Variants in SNAP91 observed in about 807,000 individuals in gnomAD.
The protein encoded by SNAP91 is clathrin coat assembly protein AP180.
Under a neutral mutation model 100.3 loss-of-function variants are expected in SNAP91, and 27 were observed. The ratio of observed to expected loss-of-function variants is 0.27; its 90% confidence interval spans 0.20 to 0.37. The LOEUF (loss-of-function observed/expected upper bound fraction) is 0.37, where lower values mean the gene tolerates loss of function less well. SNAP91 is among the 10% of genes least tolerant of loss of function. The pLI is 1.00. For missense variants in SNAP91, 986 were observed against 1,123.7 expected (o/e 0.88, Z 1.75); for synonymous variants, 404 against 398.6 (o/e 1.01, Z -0.16).
In SNAP91 at chr6:83,590,112, T is replaced by C. The variant is rs1252671032; in HGVS notation, c.2014+1099A>G. Reference sequence around the variant, plus strand: ...TAGGACCAAAATTCAACCCTTGTGGTGACTGTGGAGGGGCCTCAGAAGCTG... The same window carrying C: ...TAGGACCAAAATTCAACCCTTGTGGCGACTGTGGAGGGGCCTCAGAAGCTG... On this transcript the variant is annotated intron_variant, in intron 22 of 29. Transcript: ENST00000369694. 3.3e-5 allele frequency among the ~76,000 whole-genome samples: 5 copies of C among 152,170 alleles called. No individual in the cohort carries two copies. In the East Asian group the frequency reaches 9.7e-4, roughly 30 times the overall value.
intron 22 of SNAP91, among the ~76,000 whole-genome samples, chr6:83,587,046 G>A (rs1378077770): frequency 6.6e-6 from 1 of 152,086 alleles, no homozygotes; most frequent in Non-Finnish European, 1.5e-5. Flanking sequence ...AAGAAGAATA[G>A]TTTTTATGAT....
At chr6:83,681,993 G>C (rs1587306329) in intron 2 of SNAP91, among the ~76,000 whole-genome samples, 2 of 152,000 alleles carry the variant, frequency 1.3e-5, no homozygotes, top group African/African-American at 4.8e-5. Context: ...AAGCTTCCTT[G>C]AATTCTACTG....
At chr6:83,687,288 T>C (rs1434296103) in intron 2 of SNAP91, among the ~76,000 whole-genome samples, 5 of 152,118 alleles carry the variant, frequency 3.3e-5, no homozygotes, top group Admixed American at 3.3e-4. Flanking sequence ...AATATTGTTT[T>C]AAGAAAAAAT....
intron 2 of SNAP91, among the ~76,000 whole-genome samples, chr6:83,697,798 A>T (rs2099238945): frequency 6.6e-6 from 1 of 152,188 alleles, no homozygotes; most frequent in African/African-American, 2.4e-5. Context: ...TTATGAGAAA[A>T]CAAAGGTATA....
intron 16 of SNAP91, among the ~76,000 whole-genome samples, chr6:83,598,249 C>T (rs548484445): frequency 6.6e-6 from 1 of 152,238 alleles, no homozygotes; most frequent in South Asian, 2.1e-4. Flanking sequence ...ACTGCCCTTG[C>T]AATCCTGTTC....
At chr6:83,600,508 G>C (rs2095060359) in intron 16 of SNAP91, among the ~76,000 whole-genome samples, 1 of 152,076 alleles carries the variant, frequency 6.6e-6, no homozygotes, top group Admixed American at 6.5e-5. Context: ...AACTTCTTTA[G>C]GTGTGGACAT....
At chr6:83,575,161 T>G (rs2022269) in intron 25 of SNAP91, 40 bp from the exon 26 acceptor site, 1 of 1,420,406 alleles carries the variant, frequency 7.0e-7, no homozygotes, top group East Asian at 2.4e-5. Context: ...AAACAAAAAA[T>G]CACAAATCAG....
At chr6:83,664,174 G>T (rs2098628404) in intron 3 of SNAP91, among the ~76,000 whole-genome samples, 3 of 152,118 alleles carry the variant, frequency 2.0e-5, no homozygotes, top group Admixed American at 6.6e-5. Flanking sequence ...TGATGGAGAT[G>T]CACAAAGAGA....
At chr6:83,622,446 T>G (rs2096767450) in intron 9 of SNAP91, among the ~76,000 whole-genome samples, 1 of 48,280 alleles carries the variant, frequency 2.1e-5, no homozygotes, top group African/African-American at 1.1e-4. Context: ...TCTTTCATTA[T>G]GACAATTTTT....
chr6:83,576,001 C>G, intron 25 of SNAP91, 22 bp downstream of exon 25: 4 of 1,342,426 alleles, frequency 3.0e-6, no homozygotes, highest in Non-Finnish European at 4.1e-6. Context: ...AAAAGGAAAT[C>G]ACATAATTTC....
At chr6:83,568,551 A>T (rs1023120163) in intron 26 of SNAP91, among the ~76,000 whole-genome samples, 1 of 152,116 alleles carries the variant, frequency 6.6e-6, no homozygotes, top group African/African-American at 2.4e-5. Flanking sequence ...GGAATAAGTA[A>T]CCCAGGAAGC....
At chr6:83,636,231 T>G (rs2097440276) in intron 8 of SNAP91, among the ~76,000 whole-genome samples, 1 of 152,200 alleles carries the variant, frequency 6.6e-6, no homozygotes, top group South Asian at 2.1e-4. Flanking sequence ...ACTGGGTAAA[T>G]TTTTGTGGAT....
chr6:83,564,816 G>A (rs1015999044), intron 26 of SNAP91, among the ~76,000 whole-genome samples: 1 of 151,410 alleles, frequency 6.6e-6, no homozygotes, highest in African/African-American at 2.4e-5. Context: ...GAAAGAAACA[G>A]GTAAAAAATT....
At chr6:83,666,399 A>C (rs578012903) in intron 2 of SNAP91, among the ~76,000 whole-genome samples, 1 of 152,240 alleles carries the variant, frequency 6.6e-6, no homozygotes, top group Non-Finnish European at 1.5e-5. Context: ...TTCCAACAGT[A>C]CAGGATGACC....
At chr6:83,595,716 AAAT>A (rs1360766273) in intron 16 of SNAP91, among the ~76,000 whole-genome samples, 2 of 152,166 alleles carry the variant, frequency 1.3e-5, no homozygotes, top group Admixed American at 6.5e-5. Flanking sequence ...TCAGTCATGA[AAAT>A]AACATGTCAT....
At position 83,617,934 on chromosome 6, in the gene SNAP91, T is replaced by C. The variant is rs531039181; in HGVS notation, c.808-895A>G. The stretch of plus-strand genomic sequence containing the variant: ...TAAATGAAATATATAACTACCCTTA[T>C]AGGTATATTTAATTCTGACAATTCT... On this transcript the variant is annotated intron_variant, in intron 9 of 29. Transcript: ENST00000369694. 6.4e-4 allele frequency among the ~76,000 whole-genome samples: 97 copies of C among 152,008 alleles called. 1 individual carries two copies. The highest frequency in any genetic ancestry group is 2.1e-3 in the African/African-American group (88 of 41,562).
At chr6:83,662,458 A>T in intron 3 of SNAP91, 36 bp from the exon 4 acceptor site, 1 of 867,118 alleles carries the variant, frequency 1.2e-6, no homozygotes. Flanking sequence ...CACACATTTT[A>T]AAATCATACT....
Position 83,554,212 on chromosome 6 carries a change from T to G in SNAP91, c.*84A>C. 1 of 244,218 alleles carries G rather than the reference T, an allele frequency of 4.1e-6. No individual in the cohort carries two copies. The highest frequency in any genetic ancestry group is 8.2e-6 in the Non-Finnish European group (1 of 121,904). 15.1% of individuals were successfully genotyped at this position (244,218 alleles called of 1,614,324 possible). On this transcript the variant is annotated 3_prime_UTR_variant, in exon 30 of 30. Coordinates refer to ENST00000369694, the MANE Select transcript of SNAP91 (RefSeq NM_001242792.2). ...ATTGGGTTTGGTACTGGTGGCTCCCTTTGAAACTCAGCATCAATCTTATTT... is the reference window on the plus strand; with the variant it reads ...ATTGGGTTTGGTACTGGTGGCTCCCGTTGAAACTCAGCATCAATCTTATTT...
chr6:83,601,685 AG>A, intron 14 of SNAP91, 86 bp from the exon 15 acceptor site: 1 of 1,292,386 alleles, frequency 7.7e-7, no homozygotes, highest in Non-Finnish European at 1.1e-6. Context: ...AAGCCAGATA[AG>A]GCACTAACTA....
Sources: allele counts gnomAD v4.1 joint callset (sites outside exome capture counted in the v4.1 genomes callset), GRCh38; gene constraint gnomAD v4.1.1; transcripts MANE v1.5; gene names NCBI Gene and HGNC (gene_info 2026-07-23, HGNC 2026-07-21).